HNRNPU: variants seen among roughly 807,000 people sequenced by gnomAD.
HNRNPU encodes the protein HNRNPU antisense RNA 1.
A neutral mutation model predicts 94.7 loss-of-function variants in HNRNPU; 5 were observed. The ratio of observed to expected loss-of-function variants is 0.05; its 90% CI spans 0.03 to 0.11. The LOEUF is 0.11. HNRNPU is among the 10% of genes least tolerant of loss of function. The pLI, the probability that HNRNPU is intolerant of heterozygous loss-of-function variation, is 1.00. For synonymous variants in HNRNPU, 434 were observed against 381.6 expected, an observed-to-expected ratio of 1.14 and a Z score of -1.60; for missense variants, 710 against 1,049.2, an observed-to-expected ratio of 0.68 and a Z score of 4.47.
rs989550709 is a variant in HNRNPU at position 244,857,947 on chromosome 1, A to G, written c.1494+64T>C. On this transcript the variant is annotated intron_variant, in intron 7 of 13. Coordinates refer to ENST00000640218, the MANE Select transcript of HNRNPU (RefSeq NM_031844.3). ...CAGACTAATCATCTAGTTCTTCTAA[A>G]TGTCATTTTGTGCCAGGCAAGCAAT... The G allele has an allele frequency of 8.1e-6, 12 of 1,481,762 alleles. No individual in the cohort carries two copies. In the African/African-American group the frequency reaches 1.7e-4, roughly 21 times the overall value. 91.8% of individuals were successfully genotyped at this position (1,481,762 alleles called of 1,614,324 possible).
intron 1 of HNRNPU, chr1:244,862,994 C>A: frequency 4.1e-6 from 2 of 486,410 alleles, no homozygotes; most frequent in South Asian, 2.4e-5. Flanking sequence ...CCGAAGCCCA[C>A]GTGTATCCCG....
At chr1:244,854,770 TAAAAA>T in intron 13 of HNRNPU, 198 bp downstream of exon 13, 1 of 503,202 alleles carries the variant, frequency 2.0e-6, no homozygotes, top group Non-Finnish European at 3.5e-6. Flanking sequence ...ATTACTTTAT[TAAAAA>T]AATTTAACTT....
At position 244,854,849 on chromosome 1, in the gene HNRNPU, CACACTTTACCCTATTAACACTTATAA is replaced by C. The variant is rs1188754242; in HGVS notation, c.2424+98_2424+123del. 2.3e-5 allele frequency: 18 copies of C among 790,292 alleles called. No individual in the cohort carries two copies. The East Asian group carries it at 4.8e-4, about 21-fold the overall frequency. 49.0% of individuals were successfully genotyped at this position (790,292 alleles called of 1,614,324 possible). A position where few individuals can be genotyped will look rare whatever the true frequency, so the allele number is the denominator to read the frequency against. ...TTATGGCTACTACTGCAAGACGATT[CACACTTTACCCTATTAACACTTATAA>C]ACACTTCAATCCCTGAACAAGATCT... On this transcript the variant is annotated intron_variant, in intron 13 of 13. Transcript: ENST00000640218.
intron 9 of HNRNPU, 40 bp downstream of exon 9, chr1:244,856,687 AT>A: frequency 6.2e-7 from 1 of 1,605,962 alleles, no homozygotes; most frequent in Non-Finnish European, 8.5e-7. Flanking sequence ...ATCTATCTAA[AT>A]TATCAGTTAA....
chr1:244,854,338 C>A lies in HNRNPU; in HGVS notation c.*112G>T. The stretch of plus-strand genomic sequence containing the variant: ...CCCACAAAGCTTCTAAAAAAGGAAC[C>A]CGCAGGCACTTCCTCTTGTGGAATG... On this transcript the variant is annotated 3_prime_UTR_variant, in exon 14 of 14. Coordinates refer to ENST00000640218, the MANE Select transcript of HNRNPU (RefSeq NM_031844.3). The A allele has an allele frequency of 5.3e-6, 4 of 753,840 alleles. No individual in the cohort carries two copies. Among genetic ancestry groups the A allele is most frequent in the South Asian group, 1.6e-5 (1 of 63,910 alleles). 46.7% of individuals were successfully genotyped at this position (753,840 alleles called of 1,614,324 possible). A position where few individuals can be genotyped will look rare whatever the true frequency, so the allele number is the denominator to read the frequency against.
At chr1:244,854,559 T>C (rs1001168123) in intron 13 of HNRNPU, 56 bp from the exon 14 acceptor site, 1 of 1,127,518 alleles carries the variant, frequency 8.9e-7, no homozygotes, top group African/African-American at 1.5e-5. Context: ...ACTCAAACTG[T>C]TTTTAGGAAA....
intron 10 of HNRNPU, 62 bp downstream of exon 10, chr1:244,856,395 T>C (rs1428334333): frequency 1.3e-6 from 2 of 1,503,310 alleles, no homozygotes; most frequent in Non-Finnish European, 1.8e-6. Flanking sequence ...AAGCAGAATA[T>C]GTAGGAAAAA....
Position 244,851,583 on chromosome 1 carries a change from A to G in HNRNPU, c.*2867T>C, listed in dbSNP as rs1680549953. 1 of 152,178 alleles carries G rather than the reference A, an allele frequency of 6.6e-6. No individual in the cohort carries two copies. The highest frequency in any genetic ancestry group is 1.5e-5 in the Non-Finnish European group (1 of 68,028). 9.4% of individuals were successfully genotyped at this position (152,178 alleles called of 1,614,324 possible). ...AGAATTCCTTTAAACTTGTTAAAAT[A>G]CCTTGTTGCTAGTGCTCAGAACATC... On this transcript the variant is annotated 3_prime_UTR_variant, in exon 14 of 14. Transcript: ENST00000640218.
intron 1 of HNRNPU, among the ~76,000 whole-genome samples, chr1:244,863,410 A>G (rs1680902340): frequency 7.0e-6 from 1 of 143,740 alleles, no homozygotes; most frequent in African/African-American, 2.6e-5. Flanking sequence ...ACACACACAC[A>G]CACACACACA....
chr1:244,862,002 A>T (rs1400302161), intron 3 of HNRNPU: 1 of 153,006 alleles, frequency 6.5e-6, no homozygotes, highest in Non-Finnish European at 1.5e-5. Flanking sequence ...GCAGTTATTG[A>T]AAAAGTAATA....
intron 8 of HNRNPU, 82 bp from the exon 9 acceptor site, chr1:244,856,938 T>C (rs1680697326): frequency 2.6e-6 from 3 of 1,134,390 alleles, no homozygotes; most frequent in East Asian, 2.4e-5. Context: ...CATATCTATA[T>C]GTAAAGCAGG....
intron 3 of HNRNPU, chr1:244,861,534 AAG>A (rs1680828849): frequency 1.3e-5 from 2 of 152,210 alleles, no homozygotes; most frequent in South Asian, 2.1e-4. Context: ...TCCAGTAAGA[AAG>A]AGTTTTACAT....
intron 2 of HNRNPU, 30 bp downstream of exon 2, chr1:244,862,589 G>C (rs781480538): frequency 1.2e-6 from 2 of 1,605,146 alleles, no homozygotes; most frequent in African/African-American, 1.3e-5. Flanking sequence ...ACGAATAAGG[G>C]ATGAGTAAAA....
At chr1:244,854,874 A>ACC in intron 13 of HNRNPU, 99 bp downstream of exon 13, 1 of 1,016,832 alleles carries the variant, frequency 9.8e-7, no homozygotes, top group East Asian at 2.4e-5. Flanking sequence ...TAACACTTAT[A>ACC]AACACTTCAA....
chr1:244,861,297 T>C (rs1031659501), intron 3 of HNRNPU: 4 of 152,238 alleles, frequency 2.6e-5, no homozygotes, highest in African/African-American at 9.6e-5. Flanking sequence ...AACAGATTGT[T>C]TGAATTCAAC....
Position 244,850,736 on chromosome 1 carries a change from A to T in HNRNPU, c.*3714T>A, listed in dbSNP as rs1680525454. On this transcript the variant is annotated 3_prime_UTR_variant, in exon 14 of 14. Transcript: ENST00000640218. ...CCTTAACATGTATGTGTTTGCTTTT[A>T]TTATTACTAAAATGTTAAAACTTAA... is the stretch of plus-strand genomic sequence containing the variant. The T allele has an allele frequency of 2.0e-5, 3 of 152,126 alleles. No individual in the cohort carries two copies. The highest frequency in any genetic ancestry group is 2.0e-4 in the Admixed American group (3 of 15,256). 9.4% of individuals were successfully genotyped at this position (152,126 alleles called of 1,614,324 possible). A position where few individuals can be genotyped will look rare whatever the true frequency, so the allele number is the denominator to read the frequency against.
intron 10 of HNRNPU, 127 bp from the exon 11 acceptor site, chr1:244,856,285 CA>C: frequency 8.9e-7 from 1 of 1,126,160 alleles, no homozygotes; most frequent in Admixed American, 2.4e-5. Context: ...AACATATATG[CA>C]TATGTAACAA....
intron 3 of HNRNPU, chr1:244,862,099 A>AAT (rs1680846323): frequency 5.4e-6 from 1 of 186,102 alleles, no homozygotes; most frequent in Non-Finnish European, 1.1e-5. Context: ...TAGCTCACTT[A>AAT]ATATAATTCC....
chr1:244,862,583 A>G (rs1558189543), intron 2 of HNRNPU, 36 bp downstream of exon 2: 1 of 1,607,882 alleles, frequency 6.2e-7, no homozygotes, highest in Admixed American at 1.7e-5. Flanking sequence ...CAACGAACGA[A>G]TAAGGGATGA....
Sources: gnomAD v4.1 joint callset for allele counts (sites outside exome capture counted in the v4.1 genomes callset) on GRCh38, gnomAD v4.1.1 for gene constraint, MANE v1.5 for transcripts, NCBI Gene and HGNC (gene_info 2026-07-23, HGNC 2026-07-21) for gene names.